LRPPRC: variants seen among roughly 807,000 people sequenced by gnomAD.
The protein encoded by LRPPRC is leucine rich pentatricopeptide repeat containing.
LRPPRC carries 120 observed loss-of-function variants against 180.3 expected under a neutral mutation model. The ratio of observed to expected loss-of-function variants is 0.67; its 90% CI spans 0.57 to 0.77. The LOEUF (loss-of-function observed/expected upper bound fraction) is 0.77, where lower values mean the gene tolerates loss of function less well. LRPPRC is among the 30% of genes least tolerant of loss of function. The pLI, the probability that LRPPRC is intolerant of heterozygous loss-of-function variation, is 0.00. For missense variants in LRPPRC, 2,012 were observed against 1,657.2 expected (o/e 1.21, Z -3.72); for synonymous variants, 723 against 600.0 (o/e 1.21, Z -3.00).
intron 34 of LRPPRC, among the ~76,000 whole-genome samples, chr2:43,898,940 G>A (rs547331713): frequency 3.3e-5 from 5 of 152,078 alleles, no homozygotes; most frequent in Non-Finnish European, 5.9e-5. Flanking sequence ...TCATTTCAGC[G>A]AAACTCGCTG....
At chr2:43,979,736 A>T in intron 3 of LRPPRC, 90 bp downstream of exon 3, 1 of 1,158,762 alleles carries the variant, frequency 8.6e-7, no homozygotes, top group Non-Finnish European at 1.3e-6. Flanking sequence ...CATAAAACTG[A>T]ATTACAGCAT....
chr2:43,983,597 T>C (rs1013138175), intron 1 of LRPPRC, among the ~76,000 whole-genome samples: 2 of 152,170 alleles, frequency 1.3e-5, no homozygotes, highest in Admixed American at 6.5e-5. Context: ...ACACATTTAT[T>C]GCAAATATCT....
intron 36 of LRPPRC, among the ~76,000 whole-genome samples, chr2:43,893,529 C>G (rs937236523): frequency 1.3e-5 from 2 of 152,132 alleles, no homozygotes; most frequent in African/African-American, 2.4e-5. Context: ...CACAGATGAT[C>G]GTTAACTATT....
chr2:43,909,825 GGAA>G (rs1295701329), intron 30 of LRPPRC, among the ~76,000 whole-genome samples: 1 of 151,744 alleles, frequency 6.6e-6, no homozygotes, highest in Non-Finnish European at 1.5e-5. Context: ...AGAGAAGAAG[GGAA>G]GAAGATAAAC....
intron 14 of LRPPRC, among the ~76,000 whole-genome samples, chr2:43,954,315 A>G (rs1038240760): frequency 2.0e-5 from 3 of 152,364 alleles, no homozygotes; most frequent in South Asian, 2.1e-4. Flanking sequence ...AGGTTATTTC[A>G]TAGAAGAAAT....
chr2:43,959,039 A>C, intron 13 of LRPPRC: 1 of 540,710 alleles, frequency 1.8e-6, no homozygotes, highest in Admixed American at 3.3e-5. Context: ...TCAGCTATGA[A>C]GGCTGCTGAC....
intron 14 of LRPPRC, among the ~76,000 whole-genome samples, chr2:43,956,673 T>A (rs578115581): frequency 6.6e-6 from 1 of 152,208 alleles, no homozygotes; most frequent in Admixed American, 6.5e-5. Context: ...GTGAATCACC[T>A]GAGGTCAGGA....
chr2:43,902,595 A>G (rs917294694), intron 31 of LRPPRC: 2 of 152,208 alleles, frequency 1.3e-5, no homozygotes, highest in African/African-American at 4.8e-5. Flanking sequence ...GAAATCTACA[A>G]TCTTAAACCA....
At chr2:43,912,388 A>T (rs775351521) in intron 30 of LRPPRC, 44 bp downstream of exon 30, 1 of 1,574,068 alleles carries the variant, frequency 6.4e-7, no homozygotes, top group Non-Finnish European at 8.7e-7. Flanking sequence ...GGCAGCCAAT[A>T]TTCTTTTTTA....
In LRPPRC at chr2:43,920,740, T is replaced by TA. The variant is rs542953978; in HGVS notation, c.2897-2343_2897-2342insT. Among the ~76,000 whole-genome samples the TA allele has an allele frequency of 3.2e-3, 484 of 151,684 alleles. 1 individual carries two copies. Among genetic ancestry groups the TA allele is most frequent in the Non-Finnish European group, 5.2e-3 (353 of 67,952 alleles). ...TCTTTATTCTGCAGTGGAGCACTTC[T>TA]GTTGACTGCCAAAAGGTCCTTGTGG... On this transcript the variant is annotated intron_variant, in intron 27 of 37. Coordinates refer to ENST00000260665, the MANE Select transcript of LRPPRC (RefSeq NM_133259.4).
At chr2:43,925,726 C>T (rs1204129093) in intron 26 of LRPPRC, among the ~76,000 whole-genome samples, 167 bp downstream of exon 26, 1 of 152,148 alleles carries the variant, frequency 6.6e-6, no homozygotes, top group Non-Finnish European at 1.5e-5. Context: ...TTCTACTGCA[C>T]CTCAGGAATA....
At chr2:43,911,317 G>T (rs1186641408) in intron 30 of LRPPRC, among the ~76,000 whole-genome samples, 1 of 151,846 alleles carries the variant, frequency 6.6e-6, no homozygotes, top group Non-Finnish European at 1.5e-5. Context: ...CAGTCATACA[G>T]AACATGTTTT....
At chr2:43,926,756 G>A (rs1379013163) in intron 25 of LRPPRC, among the ~76,000 whole-genome samples, 1 of 152,154 alleles carries the variant, frequency 6.6e-6, no homozygotes, top group East Asian at 1.9e-4. Flanking sequence ...AATTATCAAT[G>A]TTACACAAAG....
Position 43,906,156 on chromosome 2 carries a change from T to C in LRPPRC, c.3276-376A>G, listed in dbSNP as rs76438210. Among the ~76,000 whole-genome samples, 1,295 of 152,226 alleles carry C rather than the reference T, an allele frequency of 8.5e-3. 18 individuals are homozygous for C. Among genetic ancestry groups the C allele is most frequent in the African/African-American group, 0.029 (1,218 of 41,534 alleles). On this transcript the variant is annotated intron_variant, in intron 30 of 37. Coordinates refer to ENST00000260665, the MANE Select transcript of LRPPRC (RefSeq NM_133259.4). Reference sequence around the variant, plus strand: ...TTCTACATTCACAGTAATTATAAAATGTAAAAATCTTCTTCCAGAAACTAA... The same window carrying C: ...TTCTACATTCACAGTAATTATAAAACGTAAAAATCTTCTTCCAGAAACTAA...
chr2:43,979,785 T>C (rs375682838), intron 3 of LRPPRC, 41 bp downstream of exon 3: 19 of 1,598,146 alleles, frequency 1.2e-5, no homozygotes, highest in East Asian at 4.5e-5. Flanking sequence ...AGAAAAAACA[T>C]CTACACCTTT....
intron 1 of LRPPRC, among the ~76,000 whole-genome samples, chr2:43,988,335 T>A (rs35827613): frequency 6.6e-6 from 1 of 151,276 alleles, no homozygotes. Context: ...TCGGGAGTTC[T>A]AGACCAGCCT....
intron 29 of LRPPRC, among the ~76,000 whole-genome samples, chr2:43,913,517 G>A (rs1456596624): frequency 8.5e-5 from 13 of 152,256 alleles, no homozygotes; most frequent in Non-Finnish European, 8.8e-5. Flanking sequence ...AAATTGTTAC[G>A]CTTCTATGTA....
intron 16 of LRPPRC, among the ~76,000 whole-genome samples, chr2:43,948,858 T>C (rs1037991902): frequency 1.3e-5 from 2 of 152,140 alleles, no homozygotes; most frequent in African/African-American, 4.8e-5. Context: ...AATAAATAAA[T>C]GTCTTGTACA....
intron 1 of LRPPRC, among the ~76,000 whole-genome samples, chr2:43,993,520 G>C (rs1207527252): frequency 6.6e-6 from 1 of 152,158 alleles, no homozygotes; most frequent in Non-Finnish European, 1.5e-5. Context: ...GGAAGAGACT[G>C]AGAAACTTCT....
Sources: allele counts gnomAD v4.1 joint callset (sites outside exome capture counted in the v4.1 genomes callset), GRCh38; gene constraint gnomAD v4.1.1; transcripts MANE v1.5; gene names NCBI Gene and HGNC (gene_info 2026-07-23, HGNC 2026-07-21).